Variants in POLR1A observed in about 807,000 individuals in gnomAD.
The protein encoded by POLR1A is RNA polymerase I subunit A, also known as DNA-directed RNA polymerase I subunit RPA1.
POLR1A carries 84 observed loss-of-function variants against 205.3 expected under a neutral mutation model. The observed-to-expected ratio is 0.41, with a 90% CI of 0.34 to 0.49. POLR1A has a LOEUF of 0.49. Ranked by LOEUF, POLR1A falls within the 20% of genes least tolerant of loss-of-function variation. The pLI is 0.22. For missense variants in POLR1A, 1,645 were observed against 2,204.5 expected (o/e 0.75, Z 5.08); for synonymous variants, 799 against 863.7 (o/e 0.93, Z 1.31).
chr2:86,031,181 AGGCCT>A, intron 30 of POLR1A, 144 bp downstream of exon 30: 1 of 1,177,296 alleles, frequency 8.5e-7, no homozygotes, highest in Non-Finnish European at 1.1e-6. Context: ...CCCAAACAGG[AGGCCT>A]GGCTGTGCTC....
At chr2:86,072,694 C>A (rs1467109353) in intron 12 of POLR1A, among the ~76,000 whole-genome samples, 1 of 152,244 alleles carries the variant, frequency 6.6e-6, no homozygotes, top group Non-Finnish European at 1.5e-5. Flanking sequence ...CTGAGCAGGG[C>A]AATGAGCCTT....
chr2:86,083,477 T>C (rs1673441227), intron 6 of POLR1A, among the ~76,000 whole-genome samples: 1 of 152,196 alleles, frequency 6.6e-6, no homozygotes, highest in Non-Finnish European at 1.5e-5. Context: ...TTTTTGTCTA[T>C]ACACGTATTT....
intron 14 of POLR1A, among the ~76,000 whole-genome samples, chr2:86,055,062 T>C (rs1368528788): frequency 6.6e-6 from 1 of 152,204 alleles, no homozygotes; most frequent in East Asian, 1.9e-4. Context: ...TTTGGGAGGC[T>C]GAGACGGGTG....
intron 6 of POLR1A, among the ~76,000 whole-genome samples, chr2:86,087,013 G>A (rs1247759209): frequency 6.6e-6 from 1 of 152,146 alleles, no homozygotes; most frequent in African/African-American, 2.4e-5. Context: ...TCCTGGGTTG[G>A]ATCCTGGAGC....
rs1434556821 is a variant in POLR1A, at chr2:86,080,996, G to C, written c.924-18C>G. 1.9e-6 allele frequency: 3 copies of C among 1,597,242 alleles called. No homozygotes were observed. The Admixed American group carries it at 5.1e-5, about 27-fold the overall frequency. On this transcript the variant is annotated intron_variant, in intron 8 of 33. Coordinates refer to ENST00000263857, the MANE Select transcript of POLR1A (RefSeq NM_015425.6). ...GGCGATACCTGCAGGGGGACATACG[G>C]AATAAATGAATGTTTAGTGTGAGGA... is the stretch of plus-strand genomic sequence containing the variant.
rs1244312466 is a variant in POLR1A, at chr2:86,095,223, T to A, written c.432+3388A>T. Among the ~76,000 whole-genome samples, 154 of 152,262 alleles carry A rather than the reference T, an allele frequency of 1.0e-3. 1 individual carries two copies. The highest frequency in any genetic ancestry group is 7.3e-5 in the Non-Finnish European group (5 of 68,032). On this transcript the variant is annotated intron_variant, in intron 3 of 33. Transcript: ENST00000263857. Reference sequence around the variant, plus strand: ...ATCCCAGCTTGCTCTGCCCACCTAATGTCTTCGGGACTGAAGCATCCAAGA... The same window carrying A: ...ATCCCAGCTTGCTCTGCCCACCTAAAGTCTTCGGGACTGAAGCATCCAAGA...
intron 9 of POLR1A, among the ~76,000 whole-genome samples, chr2:86,079,940 T>C (rs535223667): frequency 6.6e-6 from 1 of 152,292 alleles, no homozygotes; most frequent in South Asian, 2.1e-4. Flanking sequence ...GAAACTGCAC[T>C]AAGGCATGCA....
chr2:86,086,161 C>T (rs1304338711), intron 6 of POLR1A, among the ~76,000 whole-genome samples: 2 of 152,052 alleles, frequency 1.3e-5, no homozygotes, highest in African/African-American at 4.8e-5. Context: ...TGGGTTCAAG[C>T]GATTCTCCTG....
chr2:86,027,224 G>A lies in POLR1A; in HGVS notation c.*199C>T, dbSNP rs1016061000. 17 of 599,386 alleles carry A rather than the reference G, an allele frequency of 2.8e-5. No homozygotes were observed. Among genetic ancestry groups the A allele is most frequent in the Non-Finnish European group, 4.8e-5 (16 of 335,272 alleles). 37.1% of individuals were successfully genotyped at this position (599,386 alleles called of 1,614,324 possible). A position where few individuals can be genotyped will look rare whatever the true frequency, so the allele number is the denominator to read the frequency against. On this transcript the variant is annotated 3_prime_UTR_variant, in exon 34 of 34. Transcript: ENST00000263857. Reference sequence around the variant, plus strand: ...CAGAGACAGGGAGGGGCAAGGATGAGCAACTCTGTCACTTTCCAGGTGAAG... The same window carrying A: ...CAGAGACAGGGAGGGGCAAGGATGAACAACTCTGTCACTTTCCAGGTGAAG...
At chr2:86,091,045 C>G (rs1418997627) in intron 3 of POLR1A, among the ~76,000 whole-genome samples, 1 of 152,156 alleles carries the variant, frequency 6.6e-6, no homozygotes, top group Non-Finnish European at 1.5e-5. Context: ...TCTTCACCCC[C>G]CAACACATAA....
chr2:86,074,116 G>A (rs1427536855), intron 12 of POLR1A, among the ~76,000 whole-genome samples: 1 of 152,230 alleles, frequency 6.6e-6, no homozygotes, highest in Non-Finnish European at 1.5e-5. Flanking sequence ...ACGAGAGGAA[G>A]CAAGAAGGCC....
chr2:86,051,776 G>A (rs970662778), intron 16 of POLR1A, among the ~76,000 whole-genome samples: 1 of 152,210 alleles, frequency 6.6e-6, no homozygotes, highest in East Asian at 1.9e-4. Context: ...GGGAGCCCCA[G>A]GGCAGTGAGC....
Position 86,101,433 on chromosome 2 carries a change from C to T in POLR1A, c.78-1261G>A, listed in dbSNP as rs557949174. Among the ~76,000 whole-genome samples the T allele has an allele frequency of 3.9e-5, 6 of 152,128 alleles. 1 individual carries two copies. The South Asian group carries it at 1.2e-3, about 32-fold the overall frequency. ...TGCATGGCCAGTGTCACTCTAAGGGCCAAGGCGACAGGGAGGCAGATCTGC... is the reference window on the plus strand; with the variant it reads ...TGCATGGCCAGTGTCACTCTAAGGGTCAAGGCGACAGGGAGGCAGATCTGC... On this transcript the variant is annotated intron_variant, in intron 1 of 33. Coordinates refer to ENST00000263857, the MANE Select transcript of POLR1A (RefSeq NM_015425.6).
intron 1 of POLR1A, among the ~76,000 whole-genome samples, chr2:86,104,698 C>T (rs1381731653): frequency 2.0e-5 from 3 of 152,192 alleles, no homozygotes; most frequent in Non-Finnish European, 2.9e-5. Flanking sequence ...CCGCCGGCCT[C>T]GGCCTCCCAA....
rs1198413381 is a variant in POLR1A at position 86,043,138 on chromosome 2, C to T, written c.3193G>A (p.Ala1065Thr). ...EVLSRADPKK[A>T]LHHFRAIKKW... ...TTGATAGCTCTGAAGTGGTGGAGAGCTTTTTTGGGATCTGCTCTGGATAAA... is the reference window on the plus strand; with the variant it reads ...TTGATAGCTCTGAAGTGGTGGAGAGTTTTTTTGGGATCTGCTCTGGATAAA... The change falls in exon 23 of 34, where the codon GCT (alanine) becomes ACT (threonine). Residue 1065 changes from alanine to threonine, a missense_variant. Coordinates refer to ENST00000263857, the MANE Select transcript of POLR1A (RefSeq NM_015425.6). The T allele has an allele frequency of 6.2e-7, 1 of 1,614,074 alleles. No homozygotes were observed. Among genetic ancestry groups the T allele is most frequent in the Non-Finnish European group, 8.5e-7 (1 of 1,180,000 alleles).
At chr2:86,098,523 C>T (rs1673750226) in intron 3 of POLR1A, 88 bp downstream of exon 3, 9 of 1,330,342 alleles carry the variant, frequency 6.8e-6, no homozygotes, top group Non-Finnish European at 9.5e-6. Flanking sequence ...TGACTATCGG[C>T]ATGGTAACTA....
At position 86,088,661 on chromosome 2, in the gene POLR1A, C is replaced by T. The variant is rs1203883311; in HGVS notation, c.635G>A (p.Arg212Gln). 5 of 1,613,572 alleles carry T rather than the reference C, an allele frequency of 3.1e-6. No individual in the cohort carries two copies. In the Admixed American group the frequency reaches 5.0e-5, roughly 16 times the overall value. The change falls in exon 6 of 34, where the codon CGA becomes CAA. Residue 212 changes from arginine (R) to glutamine (Q), a missense_variant. Arg to Gln is a conservative substitution (Grantham distance 43). Coordinates refer to ENST00000263857, the MANE Select transcript of POLR1A (RefSeq NM_015425.6). ...AKRCPHCKTG[R>Q]SVVRKEHNSK... The stretch of plus-strand genomic sequence containing the variant: ...GTTGTGTTCCTTTCGGACAACGGAT[C>T]GCCCGGTCCTGTGCAGGAGGACAGT...
intron 6 of POLR1A, among the ~76,000 whole-genome samples, chr2:86,085,858 G>A (rs1031717863): frequency 2.1e-4 from 32 of 152,182 alleles, no homozygotes; most frequent in African/African-American, 7.7e-4. Flanking sequence ...GGATTCAGAG[G>A]TCAAATAACC....
intron 22 of POLR1A, 25 bp downstream of exon 22, chr2:86,044,114 C>G (rs375323125): frequency 1.9e-6 from 3 of 1,612,604 alleles, no homozygotes; most frequent in Non-Finnish European, 2.5e-6. Context: ...GCTCGGCCCC[C>G]AGGCTCCGGG....
Sources: allele counts gnomAD v4.1 joint callset (sites outside exome capture counted in the v4.1 genomes callset), GRCh38; gene constraint gnomAD v4.1.1; transcripts MANE v1.5; gene names NCBI Gene and HGNC (gene_info 2026-07-23, HGNC 2026-07-21).